Variants in MACO1 observed in about 807,000 individuals in gnomAD.
MACO1 encodes the protein macoilin.
MACO1 carries 14 observed loss-of-function variants against 78.7 expected under a neutral mutation model. The observed-to-expected ratio is 0.18, with a 90% CI of 0.12 to 0.28. MACO1 has a LOEUF of 0.28. MACO1 is among the 10% of genes least tolerant of loss of function. The probability of loss-of-function intolerance (pLI) is 1.00; values close to 1 mark genes in which losing one functional copy is unlikely to be tolerated. For synonymous variants in MACO1, 288 were observed against 291.6 expected, an observed-to-expected ratio of 0.99 and a Z score of 0.12; for missense variants, 501 against 799.0, an observed-to-expected ratio of 0.63 and a Z score of 4.50.
chr1:25,469,587 C>G (rs2043248992), intron 6 of MACO1, among the ~76,000 whole-genome samples: 2 of 151,806 alleles, frequency 1.3e-5, no homozygotes, highest in South Asian at 4.2e-4. Context: ...TGAATTTAAC[C>G]TTGTCTTCCA....
In MACO1 at chr1:25,498,566, T is replaced by C. The variant is rs2043558139; in HGVS notation, c.*100T>C. ...TAAAAAAACAGTTTCTATTGTATTT[T>C]GTGGAACTGTATCTGTTGTCATTTT... On this transcript the variant is annotated 3_prime_UTR_variant, in exon 11 of 11. Coordinates refer to ENST00000374343, the MANE Select transcript of MACO1 (RefSeq NM_018202.6). The C allele has an allele frequency of 8.8e-7, 1 of 1,132,274 alleles. No individual in the cohort carries two copies. Among genetic ancestry groups the C allele is most frequent in the Non-Finnish European group, 1.3e-6 (1 of 790,184 alleles). 70.1% of individuals were successfully genotyped at this position (1,132,274 alleles called of 1,614,324 possible). A position where few individuals can be genotyped will look rare whatever the true frequency, so the allele number is the denominator to read the frequency against.
At chr1:25,472,910 T>C (rs535285824) in intron 6 of MACO1, among the ~76,000 whole-genome samples, 42 of 152,346 alleles carry the variant, frequency 2.8e-4, no homozygotes, top group South Asian at 1.0e-3. Flanking sequence ...TATGAAATTT[T>C]AGAATGGGAA....
At chr1:25,459,600 A>C (rs2124587178) in intron 6 of MACO1, among the ~76,000 whole-genome samples, 1 of 150,188 alleles carries the variant, frequency 6.7e-6, no homozygotes, top group East Asian at 2.0e-4. Flanking sequence ...TCAGCCTCCC[A>C]ACTAACTGGG....
intron 6 of MACO1, among the ~76,000 whole-genome samples, chr1:25,461,592 A>G (rs2043173163): frequency 6.6e-6 from 1 of 152,048 alleles, no homozygotes; most frequent in Non-Finnish European, 1.5e-5. Context: ...CTCAAAAAAA[A>G]GGGTGATGTA....
At chr1:25,456,425 C>T (rs1031791028) in intron 4 of MACO1, among the ~76,000 whole-genome samples, 4 of 152,184 alleles carry the variant, frequency 2.6e-5, no homozygotes, top group East Asian at 3.8e-4. Flanking sequence ...TGTCGTCTTA[C>T]GGTCTAGCAG....
At chr1:25,448,608 T>G (rs2043037025) in intron 2 of MACO1, among the ~76,000 whole-genome samples, 200 bp from the exon 3 acceptor site, 1 of 152,246 alleles carries the variant, frequency 6.6e-6, no homozygotes, top group South Asian at 2.1e-4. Flanking sequence ...GTACTAGTAT[T>G]CTTTAATGTT....
chr1:25,445,810 G>T (rs2043011019), intron 1 of MACO1, among the ~76,000 whole-genome samples: 1 of 151,896 alleles, frequency 6.6e-6, no homozygotes. Flanking sequence ...TTTCCATTTT[G>T]TATATTGTGG....
At chr1:25,473,690 TG>T (rs764136503) in intron 6 of MACO1, among the ~76,000 whole-genome samples, 6 of 152,228 alleles carry the variant, frequency 3.9e-5, no homozygotes, top group Admixed American at 1.3e-4. Flanking sequence ...GTGGATTCCC[TG>T]AAGGGAAGGT....
At chr1:25,460,204 C>G (rs1020109224) in intron 6 of MACO1, among the ~76,000 whole-genome samples, 2 of 152,180 alleles carry the variant, frequency 1.3e-5, no homozygotes, top group South Asian at 2.1e-4. Context: ...TGTTGCCTGG[C>G]TGGCATCCAT....
At chr1:25,433,670 A>G (rs2042895388) in intron 1 of MACO1, among the ~76,000 whole-genome samples, 1 of 152,198 alleles carries the variant, frequency 6.6e-6, no homozygotes, top group Non-Finnish European at 1.5e-5. Context: ...GGACTGCAGG[A>G]ATCAGGAGAC....
chr1:25,471,276 T>C (rs1033447409), intron 6 of MACO1, among the ~76,000 whole-genome samples: 1 of 151,398 alleles, frequency 6.6e-6, no homozygotes, highest in Non-Finnish European at 1.5e-5. Context: ...GAGGCAGAGA[T>C]TGCAGTGAGC....
At chr1:25,491,346 G>A in intron 9 of MACO1, 64 bp from the exon 10 acceptor site, 3 of 1,593,636 alleles carry the variant, frequency 1.9e-6, no homozygotes, top group South Asian at 2.3e-5. Context: ...GTGATTTCAG[G>A]CTAATTTATA....
chr1:25,454,026 T>C (rs1180837091), intron 3 of MACO1, among the ~76,000 whole-genome samples: 1 of 152,196 alleles, frequency 6.6e-6, no homozygotes, highest in Non-Finnish European at 1.5e-5. Flanking sequence ...AATCCTTTGT[T>C]TTACATACAT....
Position 25,484,246 on chromosome 1 carries a change from C to T in MACO1, c.1285C>T (p.Arg429Trp), listed in dbSNP as rs868840271. Residue 429 changes from arginine to tryptophan, a missense_variant, in exon 7 of 11, where the codon CGG (arginine) becomes TGG (tryptophan). Arg to Trp is a moderately radical substitution (Grantham distance 101). Transcript: ENST00000374343. Reference sequence around the variant, plus strand: ...GATCCGCTCAGAAATGGGCCAGCTTCGGCAGGAGAACGAGCTGCTGCAGAA... The same window carrying T: ...GATCCGCTCAGAAATGGGCCAGCTTTGGCAGGAGAACGAGCTGCTGCAGAA... ...RGIRSEMGQL[R>W]QENELLQNKL... 1.9e-6 allele frequency: 3 copies of T among 1,612,818 alleles called. No homozygotes were observed. The highest frequency in any genetic ancestry group is 2.5e-6 in the Non-Finnish European group (3 of 1,179,700).
chr1:25,432,792 T>G (rs2042887426), intron 1 of MACO1, among the ~76,000 whole-genome samples: 2 of 152,196 alleles, frequency 1.3e-5, no homozygotes, highest in African/African-American at 4.8e-5. Flanking sequence ...TACAGTAACA[T>G]AAGATGATGT....
chr1:25,436,563 A>T (rs1272661529), intron 1 of MACO1, among the ~76,000 whole-genome samples: 2 of 152,134 alleles, frequency 1.3e-5, no homozygotes, highest in African/African-American at 4.8e-5. Flanking sequence ...AGCAAGCTGC[A>T]TAAGTAGGAT....
chr1:25,497,509 T>C (rs2043548290), intron 10 of MACO1, among the ~76,000 whole-genome samples: 1 of 152,012 alleles, frequency 6.6e-6, no homozygotes, highest in Non-Finnish European at 1.5e-5. Flanking sequence ...AAGCAGGAGA[T>C]ACACAGGACA....
At chr1:25,439,102 T>C (rs1051805941) in intron 1 of MACO1, among the ~76,000 whole-genome samples, 1 of 152,300 alleles carries the variant, frequency 6.6e-6, no homozygotes, top group Non-Finnish European at 1.5e-5. Flanking sequence ...AACAAGTATG[T>C]GTTGCTTCTT....
chr1:25,495,030 G>A (rs1023571203), intron 10 of MACO1, among the ~76,000 whole-genome samples: 53 of 152,278 alleles, frequency 3.5e-4, no homozygotes, highest in African/African-American at 1.2e-3. Context: ...CTGTGGACTC[G>A]AGGAAAGGCA....
Sources: allele counts gnomAD v4.1 joint callset (sites outside exome capture counted in the v4.1 genomes callset), GRCh38; gene constraint gnomAD v4.1.1; transcripts MANE v1.5; gene names NCBI Gene and HGNC (gene_info 2026-07-23, HGNC 2026-07-21).